Variants in KLHL32 observed in about 807,000 individuals in gnomAD.
The protein encoded by KLHL32 is kelch like family member 32.
Under a neutral mutation model 64.8 loss-of-function variants are expected in KLHL32, and 35 were observed. The observed-to-expected ratio is 0.54, with a 90% CI of 0.41 to 0.72. The LOEUF (loss-of-function observed/expected upper bound fraction) is 0.72, where lower values mean the gene tolerates loss of function less well. Among genes scored for constraint, KLHL32 ranks in the 30% least tolerant of loss-of-function variants. The pLI, the probability that KLHL32 is intolerant of heterozygous loss-of-function variation, is 0.00. For missense variants in KLHL32, 589 were observed against 768.5 expected (o/e 0.77, Z 2.76); for synonymous variants, 259 against 281.0 (o/e 0.92, Z 0.78).
chr6:96,944,142 G>T (rs1035019411), intron 1 of KLHL32, among the ~76,000 whole-genome samples: 1 of 152,134 alleles, frequency 6.6e-6, no homozygotes, highest in African/African-American at 2.4e-5. Context: ...GGAATTAGAT[G>T]CCTGTGATTA....
At chr6:96,997,437 C>G (rs6936607) in intron 3 of KLHL32, among the ~76,000 whole-genome samples, 37,232 of 151,938 alleles carry the variant, frequency 0.25, 5,889 homozygotes, top group East Asian at 0.53. Flanking sequence ...CTTATTTCCT[C>G]AGAAAGTGTC....
At chr6:96,990,420 T>C (rs976136121) in intron 3 of KLHL32, among the ~76,000 whole-genome samples, 70 of 152,200 alleles carry the variant, frequency 4.6e-4, no homozygotes, top group Non-Finnish European at 6.3e-4. Flanking sequence ...AGTATAATGG[T>C]AAGTTCTTGC....
At chr6:96,937,905 T>G (rs1027288670) in intron 1 of KLHL32, among the ~76,000 whole-genome samples, 1 of 152,206 alleles carries the variant, frequency 6.6e-6, no homozygotes, top group Non-Finnish European at 1.5e-5. Flanking sequence ...CATAGCTTGA[T>G]TGGTCTCAAA....
At chr6:96,982,539 C>T (rs952536593) in intron 3 of KLHL32, among the ~76,000 whole-genome samples, 5 of 152,122 alleles carry the variant, frequency 3.3e-5, no homozygotes, top group African/African-American at 1.2e-4. Context: ...GCATTTAGTT[C>T]ATTTGCATTG....
intron 10 of KLHL32, among the ~76,000 whole-genome samples, chr6:97,134,157 G>A (rs1799739409): frequency 6.6e-6 from 1 of 152,072 alleles, no homozygotes; most frequent in Non-Finnish European, 1.5e-5. Context: ...AGCTTCATAA[G>A]TTAGAAAATG....
chr6:97,016,592 T>A (rs571823697), intron 3 of KLHL32, among the ~76,000 whole-genome samples: 1 of 152,228 alleles, frequency 6.6e-6, no homozygotes, highest in South Asian at 2.1e-4. Flanking sequence ...ACTTTCCTTG[T>A]CTTAGATGAG....
At chr6:97,132,872 C>T in intron 10 of KLHL32, 125 bp downstream of exon 10, 1 of 614,632 alleles carries the variant, frequency 1.6e-6, no homozygotes, top group Non-Finnish European at 2.8e-6. Context: ...GTTTTTTGTG[C>T]AACTAGTTCA....
Position 96,946,809 on chromosome 6 carries a change from T to G in KLHL32, c.-65-20187T>G, listed in dbSNP as rs192328937. Among the ~76,000 whole-genome samples the G allele has an allele frequency of 2.7e-3, 416 of 152,282 alleles. 2 individuals are homozygous for G. Among genetic ancestry groups the G allele is most frequent in the Non-Finnish European group, 4.5e-3 (303 of 68,016 alleles). ...TTACTATTCCTCTGGATTGGCTGATTGTTTTATACTCTGGTTACTTAGGGG... is the reference window on the plus strand; with the variant it reads ...TTACTATTCCTCTGGATTGGCTGATGGTTTTATACTCTGGTTACTTAGGGG... On this transcript the variant is annotated intron_variant, in intron 1 of 10. Transcript: ENST00000369261.
At chr6:96,947,596 T>C (rs1209199773) in intron 1 of KLHL32, among the ~76,000 whole-genome samples, 2 of 152,206 alleles carry the variant, frequency 1.3e-5, no homozygotes, top group African/African-American at 4.8e-5. Context: ...CATACCTCAA[T>C]ATATACAGAG....
intron 3 of KLHL32, among the ~76,000 whole-genome samples, chr6:96,980,144 T>C (rs1272697140): frequency 6.6e-6 from 1 of 152,188 alleles, no homozygotes; most frequent in African/African-American, 2.4e-5. Context: ...CCTATTTGGA[T>C]GCCTTTTATT....
chr6:97,035,757 A>C (rs1245764613), intron 3 of KLHL32, among the ~76,000 whole-genome samples: 2 of 152,094 alleles, frequency 1.3e-5, no homozygotes, highest in Non-Finnish European at 2.9e-5. Context: ...TGCTTCTTTC[A>C]AAATTCTCTG....
chr6:97,010,163 GA>G lies in KLHL32; in HGVS notation c.205-31324del, dbSNP rs1183174060. 7 of 137,468 alleles carry G rather than the reference GA, an allele frequency of 5.1e-5. No homozygotes were observed. In the East Asian group the frequency reaches 1.4e-3, roughly 28 times the overall value. The allele number at this position is 137,468 out of a possible 1,614,324, so 8.5% of individuals were successfully genotyped here. On this transcript the variant is annotated intron_variant, in intron 3 of 10. Transcript: ENST00000369261. Reference sequence around the variant, plus strand: ...AAAAAAAAAAAAAAGTGAGCATACAGAAAAATATTTATAGGACACTCTATGC... The same window carrying G: ...AAAAAAAAAAAAAAGTGAGCATACAGAAAATATTTATAGGACACTCTATGC...
At chr6:97,066,371 C>A (rs1562298842) in intron 5 of KLHL32, among the ~76,000 whole-genome samples, 2 of 152,166 alleles carry the variant, frequency 1.3e-5, no homozygotes, top group East Asian at 3.8e-4. Flanking sequence ...CATTAAAGGT[C>A]CATGGGTATT....
At chr6:97,018,566 G>T (rs1781553763) in intron 3 of KLHL32, among the ~76,000 whole-genome samples, 1 of 149,978 alleles carries the variant, frequency 6.7e-6, no homozygotes, top group South Asian at 2.1e-4. Flanking sequence ...ACACCACTGT[G>T]CTCCAGCCTG....
chr6:97,133,860 G>A (rs1260536434), intron 10 of KLHL32, among the ~76,000 whole-genome samples: 2 of 152,146 alleles, frequency 1.3e-5, no homozygotes, highest in East Asian at 3.8e-4. Context: ...CAGTTGGAAA[G>A]ACTGTATTTT....
intron 1 of KLHL32, among the ~76,000 whole-genome samples, chr6:96,951,163 G>T (rs1348065960): frequency 6.6e-6 from 1 of 152,028 alleles, no homozygotes; most frequent in Non-Finnish European, 1.5e-5. Context: ...AGACTCACAT[G>T]GTCTCGGTTT....
At chr6:96,952,756 G>T (rs2128012610) in intron 1 of KLHL32, among the ~76,000 whole-genome samples, 1 of 152,298 alleles carries the variant, frequency 6.6e-6, no homozygotes, top group Non-Finnish European at 1.5e-5. Flanking sequence ...CAAGATTTGT[G>T]ACTTCCCCAG....
chr6:97,109,633 G>T (rs1796858208), intron 6 of KLHL32, among the ~76,000 whole-genome samples: 1 of 152,212 alleles, frequency 6.6e-6, no homozygotes, highest in African/African-American at 2.4e-5. Context: ...GAAAGATAAA[G>T]ATAAACCGGA....
intron 1 of KLHL32, among the ~76,000 whole-genome samples, chr6:96,930,837 G>C (rs1465804411): frequency 6.6e-6 from 1 of 152,080 alleles, no homozygotes; most frequent in East Asian, 1.9e-4. Context: ...AGGAAAAGGA[G>C]GGAGGGTCAG....
Sources: gnomAD v4.1 joint callset for allele counts (sites outside exome capture counted in the v4.1 genomes callset) on GRCh38, gnomAD v4.1.1 for gene constraint, MANE v1.5 for transcripts, NCBI Gene and HGNC (gene_info 2026-07-23, HGNC 2026-07-21) for gene names.